The following TBCE variants were observed in gnomAD, a reference collection of about 807,000 sequenced individuals.
TBCE encodes tubulin-specific chaperone E.
In TBCE, 53 loss-of-function variants were observed where a neutral mutation model predicts 77.0. The observed-to-expected ratio is 0.69, with a 90% CI of 0.55 to 0.87. The LOEUF is 0.87. TBCE is among the 40% of genes least tolerant of loss of function. The pLI, the probability that TBCE is intolerant of heterozygous loss-of-function variation, is 0.00. For synonymous variants in TBCE, 235 were observed against 241.3 expected (o/e 0.97, Z 0.24); for missense variants, 624 against 622.4 (o/e 1.00, Z -0.03).
chr1:235,383,780 C>T (rs1012743160), intron 2 of TBCE, among the ~76,000 whole-genome samples: 4 of 152,160 alleles, frequency 2.6e-5, no homozygotes, highest in African/African-American at 9.7e-5. Flanking sequence ...AATTTGACTT[C>T]CTCTTTTCCT....
intron 8 of TBCE, among the ~76,000 whole-genome samples, chr1:235,434,561 C>CAG (rs1681304282): frequency 2.6e-5 from 1 of 38,754 alleles, no homozygotes; most frequent in South Asian, 5.3e-4. Context: ...TTTTTTGAGA[C>CAG]AGAGTCTCAC....
intron 1 of TBCE, among the ~76,000 whole-genome samples, chr1:235,376,866 C>G (rs1677327534): frequency 6.6e-6 from 1 of 151,994 alleles, no homozygotes; most frequent in Non-Finnish European, 1.5e-5. Context: ...CCCAGTTACT[C>G]AGGAGGGTGA....
At position 235,448,841 on chromosome 1, in the gene TBCE, A is replaced by C; in HGVS notation, c.*79A>C. On this transcript the variant is annotated 3_prime_UTR_variant, in exon 17 of 17. Coordinates refer to ENST00000642610, the MANE Select transcript of TBCE (RefSeq NM_003193.5). ...CGGAAATAAATGATTCACTGGAACA[A>C]TTCTACTGTCAAAACAAAGGGGGTT... is the stretch of plus-strand genomic sequence containing the variant. 1 of 1,071,816 alleles carries C rather than the reference A, an allele frequency of 9.3e-7. No homozygotes were observed. Among genetic ancestry groups the C allele is most frequent in the Non-Finnish European group, 1.4e-6 (1 of 700,850 alleles). 66.4% of individuals were successfully genotyped at this position (1,071,816 alleles called of 1,614,324 possible). A position where few individuals can be genotyped will look rare whatever the true frequency, so the allele number is the denominator to read the frequency against.
chr1:235,426,689 A>G (rs960730548), intron 5 of TBCE, among the ~76,000 whole-genome samples: 1 of 152,230 alleles, frequency 6.6e-6, no homozygotes, highest in Non-Finnish European at 1.5e-5. Flanking sequence ...TCTGTCACCC[A>G]GGCTGGAGTG....
chr1:235,369,485 G>A (rs1396118732), intron 1 of TBCE, among the ~76,000 whole-genome samples: 1 of 148,804 alleles, frequency 6.7e-6, no homozygotes, highest in South Asian at 2.1e-4. Context: ...CCAGCCTGGC[G>A]ATAGAGCAAG....
At chr1:235,369,922 C>T (rs1019349151) in intron 1 of TBCE, among the ~76,000 whole-genome samples, 10 of 151,984 alleles carry the variant, frequency 6.6e-5, no homozygotes, top group South Asian at 2.1e-4. Context: ...GATCTCATGT[C>T]GTTCTCATCT....
chr1:235,376,899 G>A (rs866921537), intron 1 of TBCE, among the ~76,000 whole-genome samples: 3 of 152,026 alleles, frequency 2.0e-5, no homozygotes, highest in African/African-American at 4.8e-5. Context: ...GCTTGAACCC[G>A]GGAGATGGAG....
Position 235,436,387 on chromosome 1 carries a change from T to A in TBCE, c.835T>A (p.Leu279Ile), listed in dbSNP as rs147049084. 1.2e-6 allele frequency: 2 copies of A among 1,613,108 alleles called. No homozygotes were observed. The highest frequency in any genetic ancestry group is 1.3e-5 in the African/African-American group (1 of 74,890). ...QLYLIAHLPR[L>I]EQLILSDTGI... The stretch of plus-strand genomic sequence containing the variant: ...CAAATTGTACATTTTGAATTTCAGG[T>A]TAGAACAATTAATCCTCTCTGACAC... Residue 279 changes from leucine to isoleucine, a missense_variant and splice_region_variant, in exon 10 of 17, where the codon TTA becomes ATA. Coordinates refer to ENST00000642610, the MANE Select transcript of TBCE (RefSeq NM_003193.5).
intron 3 of TBCE, among the ~76,000 whole-genome samples, chr1:235,412,925 T>G (rs1024832625): frequency 6.6e-6 from 1 of 152,136 alleles, no homozygotes; most frequent in East Asian, 1.9e-4. Context: ...TGCCTCAGCC[T>G]CCCCAGTAGC....
chr1:235,442,786 G>A, intron 14 of TBCE, 66 bp from the exon 15 acceptor site: 1 of 1,486,538 alleles, frequency 6.7e-7, no homozygotes, highest in Non-Finnish European at 9.3e-7. Context: ...CTGTTGATGT[G>A]TGTGGATAAT....
intron 13 of TBCE, chr1:235,441,438 C>T (rs764643136): frequency 5.8e-5 from 16 of 278,044 alleles, no homozygotes; most frequent in South Asian, 7.9e-5. Flanking sequence ...AGGTGACACT[C>T]GGGGAAAACA....
intron 15 of TBCE, among the ~76,000 whole-genome samples, chr1:235,443,351 C>A (rs554550871): frequency 7.9e-5 from 12 of 152,134 alleles, no homozygotes; most frequent in Admixed American, 7.2e-4. Flanking sequence ...CACGTGCGAG[C>A]CACCAACGCC....
intron 12 of TBCE, among the ~76,000 whole-genome samples, chr1:235,438,398 A>T (rs1232912039): frequency 1.3e-5 from 2 of 152,076 alleles, no homozygotes; most frequent in Non-Finnish European, 2.9e-5. Flanking sequence ...ATACAAAAAA[A>T]TTAGCCAGGC....
At chr1:235,448,313 T>G in intron 15 of TBCE, 36 bp from the exon 16 acceptor site, 4 of 1,580,056 alleles carry the variant, frequency 2.5e-6, no homozygotes, top group Non-Finnish European at 3.5e-6. Flanking sequence ...AACTGTCATT[T>G]GAGAGAACGA....
intron 3 of TBCE, 27 bp from the exon 4 acceptor site, chr1:235,414,406 T>A: frequency 6.2e-7 from 1 of 1,611,552 alleles, no homozygotes; most frequent in Non-Finnish European, 8.5e-7. Context: ...TAATATTTTC[T>A]GTGTTTCATT....
chr1:235,438,746 G>GT, intron 12 of TBCE, 23 bp from the exon 13 acceptor site: 1 of 1,614,128 alleles, frequency 6.2e-7, no homozygotes, highest in Non-Finnish European at 8.5e-7. Context: ...TAATAGGCTT[G>GT]TTTTTATGTC....
chr1:235,440,031 C>T (rs943891818), intron 13 of TBCE, among the ~76,000 whole-genome samples: 3 of 151,834 alleles, frequency 2.0e-5, no homozygotes, highest in Non-Finnish European at 4.4e-5. Flanking sequence ...AGTGCAGTGC[C>T]GCGATCTCCG....
intron 1 of TBCE, among the ~76,000 whole-genome samples, chr1:235,369,548 G>A (rs1472533201): frequency 6.6e-6 from 1 of 151,584 alleles, no homozygotes. Context: ...CTGGCTGGGC[G>A]CAGTGGCTCA....
chr1:235,394,418 C>CTTTTTTTTTTTTTTTT (rs386370043), intron 2 of TBCE, among the ~76,000 whole-genome samples: 1 of 72,318 alleles, frequency 1.4e-5, no homozygotes, highest in Non-Finnish European at 2.4e-5. Context: ...TTGATAATTT[C>CTTTTTTTTTTTTTTTT]TTTTTTTTTT....
Sources: gnomAD v4.1 joint callset for allele counts (sites outside exome capture counted in the v4.1 genomes callset) on GRCh38, gnomAD v4.1.1 for gene constraint, MANE v1.5 for transcripts, NCBI Gene and HGNC (gene_info 2026-07-23, HGNC 2026-07-21) for gene names.